TMEFF2: variants seen among roughly 807,000 people sequenced by gnomAD.
The protein encoded by TMEFF2 is transmembrane protein with EGF like and two follistatin like domains 2.
In TMEFF2, 28 loss-of-function variants were observed where a neutral mutation model predicts 53.8. That is an observed-to-expected ratio of 0.52 (90% CI 0.39 to 0.71). The LOEUF is 0.71. TMEFF2 is among the 30% of genes least tolerant of loss of function. The pLI, the probability that TMEFF2 is intolerant of heterozygous loss-of-function variation, is 0.00. For synonymous variants in TMEFF2, 162 were observed against 166.3 expected, an observed-to-expected ratio of 0.97 and a Z score of 0.20; for missense variants, 353 against 455.2, an observed-to-expected ratio of 0.78 and a Z score of 2.04.
chr2:192,085,581 G>C (rs1372328733), intron 4 of TMEFF2, among the ~76,000 whole-genome samples: 1 of 152,010 alleles, frequency 6.6e-6, no homozygotes, highest in Non-Finnish European at 1.5e-5. Context: ...TCAAAACAGT[G>C]TGCTTGGTTC....
At chr2:191,991,370 C>T (rs1211710156) in intron 7 of TMEFF2, among the ~76,000 whole-genome samples, 1 of 151,938 alleles carries the variant, frequency 6.6e-6, no homozygotes, top group Non-Finnish European at 1.5e-5. Flanking sequence ...GCTCTATTTC[C>T]CATAAAAATC....
At chr2:192,164,193 C>G (rs1369018533) in intron 4 of TMEFF2, among the ~76,000 whole-genome samples, 1 of 152,168 alleles carries the variant, frequency 6.6e-6, no homozygotes, top group Non-Finnish European at 1.5e-5. Flanking sequence ...CACTTCCCTA[C>G]TCTCCTCTTC....
In TMEFF2 at chr2:192,137,632, G is replaced by A. The variant is rs138965246; in HGVS notation, c.439+42036C>T. On this transcript the variant is annotated intron_variant, in intron 4 of 9. Coordinates refer to ENST00000272771, the MANE Select transcript of TMEFF2 (RefSeq NM_016192.4). ...ATCATCTGGCAAGACCAATAGTGGAGAGGGTGCCAAGAAGTTCTCAGGCAA... is the reference window on the plus strand; with the variant it reads ...ATCATCTGGCAAGACCAATAGTGGAAAGGGTGCCAAGAAGTTCTCAGGCAA... Among the ~76,000 whole-genome samples the A allele has an allele frequency of 8.5e-3, 1,293 of 152,172 alleles. 9 individuals are homozygous for A. Among genetic ancestry groups the A allele is most frequent in the South Asian group, 0.031 (151 of 4,816 alleles).
chr2:191,949,179 C>A lies in TMEFF2; in HGVS notation c.*1132G>T. 1.0e-6 allele frequency: 1 copy of A among 985,292 alleles called. No individual in the cohort carries two copies. Among genetic ancestry groups the A allele is most frequent in the South Asian group, 4.7e-5 (1 of 21,288 alleles). The allele number at this position is 985,292 out of a possible 1,614,324, so 61.0% of individuals were successfully genotyped here. ...TTTTCACAGCTTATTTTTTCCAGAT[C>A]AAGTTGTGATACCTATTTGTATGCA... On this transcript the variant is annotated 3_prime_UTR_variant, in exon 10 of 10. Transcript: ENST00000272771.
chr2:191,979,042 T>C (rs1476776189), intron 7 of TMEFF2, among the ~76,000 whole-genome samples: 1 of 152,204 alleles, frequency 6.6e-6, no homozygotes, highest in African/African-American at 2.4e-5. Context: ...AAAATTCATT[T>C]AATACAAGGA....
At chr2:192,109,968 C>T (rs559444549) in intron 4 of TMEFF2, among the ~76,000 whole-genome samples, 1 of 151,544 alleles carries the variant, frequency 6.6e-6, no homozygotes, top group Non-Finnish European at 1.5e-5. Context: ...AATGATATGG[C>T]TTAGGGAGAA....
chr2:192,042,713 C>T lies in TMEFF2; in HGVS notation c.536+14966G>A, dbSNP rs150254253. ...TGAAAGAGCTCTGGCAGTTTGGTTGCTTGGTTGACTGAAACATGGAGCAAA... is the reference window on the plus strand; with the variant it reads ...TGAAAGAGCTCTGGCAGTTTGGTTGTTTGGTTGACTGAAACATGGAGCAAA... On this transcript the variant is annotated intron_variant, in intron 5 of 9. Coordinates refer to ENST00000272771, the MANE Select transcript of TMEFF2 (RefSeq NM_016192.4). 2.6e-3 allele frequency among the ~76,000 whole-genome samples: 390 copies of T among 152,246 alleles called. 2 individuals are homozygous for T. The highest frequency in any genetic ancestry group is 9.1e-3 in the African/African-American group (379 of 41,524).
At position 192,002,643 on chromosome 2, in the gene TMEFF2, G is replaced by A. The variant is rs187779298; in HGVS notation, c.537-3435C>T. Among the ~76,000 whole-genome samples the A allele has an allele frequency of 7.2e-5, 11 of 152,142 alleles. No individual in the cohort carries two copies. In the East Asian group the frequency reaches 7.7e-4, roughly 11 times the overall value. Reference sequence around the variant, plus strand: ...TCAGCAGTTGGAGACCAGCCTGGCCGACACGGTGAAAGGCTGACTCTACTA... The same window carrying A: ...TCAGCAGTTGGAGACCAGCCTGGCCAACACGGTGAAAGGCTGACTCTACTA... On this transcript the variant is annotated intron_variant, in intron 5 of 9. Coordinates refer to ENST00000272771, the MANE Select transcript of TMEFF2 (RefSeq NM_016192.4).
intron 4 of TMEFF2, among the ~76,000 whole-genome samples, chr2:192,160,713 A>G (rs1293227825): frequency 6.6e-6 from 1 of 152,164 alleles, no homozygotes; most frequent in Non-Finnish European, 1.5e-5. Flanking sequence ...CATGATGTAT[A>G]TAGATGTATC....
chr2:191,958,751 T>TA (rs1692180578), intron 7 of TMEFF2, among the ~76,000 whole-genome samples: 1 of 152,200 alleles, frequency 6.6e-6, no homozygotes, highest in Admixed American at 6.5e-5. Flanking sequence ...AGTGCTCTGT[T>TA]ATGCTGCTCA....
At chr2:192,165,521 T>TG (rs1402539024) in intron 4 of TMEFF2, among the ~76,000 whole-genome samples, 1 of 152,184 alleles carries the variant, frequency 6.6e-6, no homozygotes, top group African/African-American at 2.4e-5. Context: ...ATAAGCTGTA[T>TG]GAACTTTTGT....
chr2:191,990,465 AT>A (rs1396732451), intron 7 of TMEFF2, among the ~76,000 whole-genome samples: 4 of 136,956 alleles, frequency 2.9e-5, no homozygotes, highest in Non-Finnish European at 6.4e-5. Context: ...CTTAAATTCT[AT>A]TTACTAGGTT....
intron 7 of TMEFF2, among the ~76,000 whole-genome samples, chr2:191,978,938 A>G (rs1339227882): frequency 6.6e-6 from 1 of 152,206 alleles, no homozygotes; most frequent in Non-Finnish European, 1.5e-5. Flanking sequence ...CTGCCTATTC[A>G]AGTGAGGCCA....
intron 5 of TMEFF2, among the ~76,000 whole-genome samples, chr2:192,000,246 T>G (rs1686324619): frequency 6.6e-6 from 1 of 152,120 alleles, no homozygotes; most frequent in Non-Finnish European, 1.5e-5. Flanking sequence ...TTTCTCAAAG[T>G]CATGAAGCAT....
chr2:192,180,985 A>G (rs995248405), intron 3 of TMEFF2, among the ~76,000 whole-genome samples: 2 of 151,860 alleles, frequency 1.3e-5, no homozygotes, highest in Non-Finnish European at 2.9e-5. Flanking sequence ...GGATCAGCAT[A>G]TCTTTTCCTT....
At chr2:192,116,588 T>C (rs548531841) in intron 4 of TMEFF2, among the ~76,000 whole-genome samples, 1 of 152,224 alleles carries the variant, frequency 6.6e-6, no homozygotes, top group East Asian at 1.9e-4. Flanking sequence ...AGTCACTGGA[T>C]ATAACCATAA....
intron 7 of TMEFF2, among the ~76,000 whole-genome samples, chr2:191,973,184 T>A (rs970602188): frequency 2.6e-5 from 4 of 152,264 alleles, no homozygotes; most frequent in Admixed American, 2.6e-4. Flanking sequence ...GAAAAATTTA[T>A]CACAAGAAAA....
chr2:191,979,873 T>TATCTATCG (rs200740076), intron 7 of TMEFF2, among the ~76,000 whole-genome samples: 4 of 152,226 alleles, frequency 2.6e-5, no homozygotes, highest in Admixed American at 2.6e-4. Flanking sequence ...TCTATCTATC[T>TATCTATCG]ATATGTTTTA....
intron 4 of TMEFF2, among the ~76,000 whole-genome samples, chr2:192,144,475 G>T (rs562493808): frequency 6.6e-6 from 1 of 152,014 alleles, no homozygotes; most frequent in Non-Finnish European, 1.5e-5. Context: ...GCAGAGATAG[G>T]AGCCATCTTT....
Sources: gnomAD v4.1 joint callset for allele counts (sites outside exome capture counted in the v4.1 genomes callset) on GRCh38, gnomAD v4.1.1 for gene constraint, MANE v1.5 for transcripts, NCBI Gene and HGNC (gene_info 2026-07-23, HGNC 2026-07-21) for gene names.